Variants in LARGE1 observed in about 807,000 individuals in gnomAD.
LARGE1 encodes xylosyl- and glucuronyltransferase LARGE1.
In LARGE1, 43 loss-of-function variants were observed where a neutral mutation model predicts 87.6. The ratio of observed to expected loss-of-function variants is 0.49; its 90% CI spans 0.38 to 0.63. LARGE1 has a LOEUF of 0.63. Among genes scored for constraint, LARGE1 ranks in the 30% least tolerant of loss-of-function variants. LARGE1 has a pLI of 0.00. For synonymous variants in LARGE1, 434 were observed against 394.6 expected (o/e 1.10, Z -1.18); for missense variants, 802 against 1,000.2 (o/e 0.80, Z 2.67).
chr22:33,125,306 A>C, the LARGE1 span, among the ~76,000 whole-genome samples: 1 of 152,130 alleles, frequency 6.6e-6, no homozygotes, highest in African/African-American at 2.4e-5. Context: ...TATAATCAGA[A>C]TTTGGTTAGG....
chr22:33,458,269 T>A (rs549708133), intron 6 of LARGE1, among the ~76,000 whole-genome samples: 1 of 151,954 alleles, frequency 6.6e-6, no homozygotes, highest in South Asian at 2.1e-4. Context: ...CACGCTCGGC[T>A]AATTTTTTGT....
At chr22:33,263,380 G>T (rs549829772) in intron 11 of LARGE1, among the ~76,000 whole-genome samples, 50 of 152,364 alleles carry the variant, frequency 3.3e-4, no homozygotes, top group African/African-American at 1.2e-3. Flanking sequence ...GACTCAGGTT[G>T]AGCAGGATGA....
At position 33,874,992 on chromosome 22, in the gene LARGE1, A is replaced by G. The variant is rs563107040; in HGVS notation, c.-83+45003T>C. Among the ~76,000 whole-genome samples the G allele has an allele frequency of 2.6e-5, 4 of 152,334 alleles. No homozygotes were observed. In the East Asian group the frequency reaches 7.7e-4, roughly 29 times the overall value. ...CCAAGATGACATGACTAAGCAGAGG[A>G]TACAGGATTCACCCCAGGCAGTCTA... On this transcript the variant is annotated intron_variant, in intron 1 of 14. Transcript: ENST00000397394.
intron 5 of LARGE1, among the ~76,000 whole-genome samples, chr22:33,576,264 T>C (rs1367764783): frequency 3.9e-5 from 6 of 152,230 alleles, no homozygotes; most frequent in African/African-American, 1.2e-4. Context: ...TTGAGAACCA[T>C]TGCTTCTGAT....
chr22:33,868,996 G>A (rs756110069), intron 1 of LARGE1, among the ~76,000 whole-genome samples: 3 of 152,174 alleles, frequency 2.0e-5, no homozygotes, highest in Non-Finnish European at 2.9e-5. Context: ...TGGAAAGAAG[G>A]GCCATGAACG....
intron 9 of LARGE1, among the ~76,000 whole-genome samples, chr22:33,358,929 T>C (rs1451518153): frequency 2.0e-5 from 3 of 148,780 alleles, no homozygotes; most frequent in African/African-American, 2.5e-5. Context: ...ACCCGGGAGG[T>C]GGAGCTTGAA....
intron 7 of LARGE1, among the ~76,000 whole-genome samples, chr22:33,413,129 A>G (rs1025775979): frequency 6.6e-6 from 1 of 152,190 alleles, no homozygotes; most frequent in African/African-American, 2.4e-5. Context: ...AAATTCTTTT[A>G]AAAAATAGTC....
chr22:33,755,555 T>C (rs1293151187), intron 2 of LARGE1, among the ~76,000 whole-genome samples: 1 of 152,208 alleles, frequency 6.6e-6, no homozygotes, highest in Non-Finnish European at 1.5e-5. Flanking sequence ...CACTGGGCTC[T>C]GAGAAAAGGT....
At chr22:33,651,054 T>G (rs1307024171) in intron 2 of LARGE1, among the ~76,000 whole-genome samples, 2 of 149,264 alleles carry the variant, frequency 1.3e-5, no homozygotes, top group African/African-American at 2.5e-5. Flanking sequence ...TACCAGGAAG[T>G]GGAGGGGAGC....
chr22:33,900,472 C>G (rs1014286958), intron 1 of LARGE1, among the ~76,000 whole-genome samples: 10 of 152,188 alleles, frequency 6.6e-5, no homozygotes, highest in African/African-American at 2.4e-4. Flanking sequence ...ATCCGGCCAT[C>G]ACTCAGGGGA....
chr22:33,478,761 G>A lies in LARGE1; in HGVS notation c.788-46496C>T, dbSNP rs544530900. ...GAGGAATCTAGTAGGTGCTCAATAA[G>A]CATTTCTTTCTTTCTTCTCTTAGTT... is the stretch of plus-strand genomic sequence containing the variant. On this transcript the variant is annotated intron_variant, in intron 6 of 14. Coordinates refer to ENST00000397394, the MANE Select transcript of LARGE1 (RefSeq NM_133642.5). Among the ~76,000 whole-genome samples, 285 of 148,386 alleles carry A rather than the reference G, an allele frequency of 1.9e-3. 4 individuals are homozygous for A. The highest frequency in any genetic ancestry group is 7.0e-3 in the African/African-American group (281 of 40,328).
intron 6 of LARGE1, among the ~76,000 whole-genome samples, chr22:33,471,029 C>T (rs200198131): frequency 7.7e-5 from 10 of 129,764 alleles, no homozygotes; most frequent in Non-Finnish European, 9.8e-5. Flanking sequence ...TCTTCTTCTT[C>T]TTTTTTTTTT....
intron 11 of LARGE1, among the ~76,000 whole-genome samples, chr22:33,185,576 A>G (rs945662171): frequency 6.6e-6 from 1 of 152,136 alleles, no homozygotes; most frequent in Non-Finnish European, 1.5e-5. Context: ...TGATATGTCA[A>G]TGTAGGTTTA....
chr22:33,877,428 T>G (rs74570577), intron 1 of LARGE1, among the ~76,000 whole-genome samples: 2,501 of 152,256 alleles, frequency 0.016, 56 homozygotes, highest in African/African-American at 0.057. Context: ...ACAGCAGGGC[T>G]CTGAGGACAG....
intron 6 of LARGE1, among the ~76,000 whole-genome samples, chr22:33,500,432 T>C (rs1276805594): frequency 2.0e-5 from 3 of 152,232 alleles, no homozygotes; most frequent in Non-Finnish European, 4.4e-5. Flanking sequence ...TTGAGGACCA[T>C]GATGTTGACA....
At chr22:33,347,578 C>T (rs1372471176) in intron 9 of LARGE1, among the ~76,000 whole-genome samples, 1 of 152,172 alleles carries the variant, frequency 6.6e-6, no homozygotes, top group African/African-American at 2.4e-5. Flanking sequence ...CCGCTGTTAT[C>T]CCCTTGTTTG....
At chr22:33,604,822 C>T (rs1227171054) in intron 4 of LARGE1, among the ~76,000 whole-genome samples, 2 of 152,158 alleles carry the variant, frequency 1.3e-5, no homozygotes, top group Non-Finnish European at 2.9e-5. Flanking sequence ...TCAGGCCAAA[C>T]GCCATACCTG....
intron 7 of LARGE1, among the ~76,000 whole-genome samples, chr22:33,418,661 G>C (rs978982793): frequency 2.0e-5 from 3 of 152,146 alleles, no homozygotes; most frequent in Non-Finnish European, 4.4e-5. Flanking sequence ...TCAGATTGCA[G>C]GGGTGAGAAT....
chr22:33,726,970 G>T (rs115086325), intron 2 of LARGE1, among the ~76,000 whole-genome samples: 1 of 152,184 alleles, frequency 6.6e-6, no homozygotes, highest in Non-Finnish European at 1.5e-5. Flanking sequence ...ATATGGATGA[G>T]AGAAAGAGGT....
Sources: allele counts gnomAD v4.1 joint callset (sites outside exome capture counted in the v4.1 genomes callset), GRCh38; gene constraint gnomAD v4.1.1; transcripts MANE v1.5; gene names NCBI Gene and HGNC (gene_info 2026-07-23, HGNC 2026-07-21).